Variants in MAMSTR observed in about 807,000 individuals in gnomAD.
MAMSTR encodes MEF2-activating motif and SAP domain-containing transcriptional regulator.
MAMSTR carries 41 observed loss-of-function variants against 42.7 expected under a neutral mutation model. The ratio of observed to expected loss-of-function variants is 0.96; its 90% confidence interval spans 0.75 to 1.25. The LOEUF is 1.25. MAMSTR is among the 50% of genes most tolerant of loss of function. MAMSTR has a pLI of 0.00. For missense variants in MAMSTR, 567 were observed against 557.6 expected (o/e 1.02, Z -0.17); for synonymous variants, 265 against 244.1 (o/e 1.09, Z -0.80).
chr19:48,716,882 G>A, intron 2 of MAMSTR, 139 bp from the exon 3 acceptor site: 3 of 1,224,794 alleles, frequency 2.4e-6, no homozygotes, highest in Non-Finnish European at 3.1e-6. Context: ...GCAGGCGGGT[G>A]GGCGGGCAGC....
At chr19:48,706,902 G>A in the MAMSTR span, among the ~76,000 whole-genome samples, 447 of 151,530 alleles carry the variant, frequency 2.9e-3, 2 homozygotes, top group Non-Finnish European at 5.1e-3. Context: ...TTCAAGACCA[G>A]CTTGGGCAAC....
downstream of MAMSTR, among the ~76,000 whole-genome samples, chr19:48,707,839 G>C (rs13344758): frequency 0.22 from 3,509 of 16,228 alleles, 92 homozygotes; most frequent in African/African-American, 0.36. Context: ...AGAAAGAAAG[G>C]AAAGAAAGAA....
intron 3 of MAMSTR, 149 bp downstream of exon 3, chr19:48,716,555 TG>T: frequency 1.1e-6 from 1 of 898,850 alleles, no homozygotes; most frequent in Non-Finnish European, 1.5e-6. Flanking sequence ...CCTGGATCCT[TG>T]GGAAAGGACA....
rs759870909 is a variant in MAMSTR at position 48,714,552 on chromosome 19, C to G, written c.537G>C (p.Glu179Asp). ...CCCGCAGGCGCAGCTGCTGCCGGAG[C>G]TCTGAGACCTGGGGAGGGGCGGGGC... is the stretch of plus-strand genomic sequence containing the variant. ...TLKLEELTVS[E>D]LRQQLRLRGL... The change falls in exon 7 of 10, where the codon GAG (glutamate) becomes GAC (aspartate). Residue 179 changes from glutamate to aspartate, a missense_variant. By Grantham distance (45) the Glu-to-Asp change is conservative. Coordinates refer to ENST00000318083, the MANE Select transcript of MAMSTR (RefSeq NM_001130915.2). 6.8e-7 allele frequency: 1 copy of G among 1,461,456 alleles called. No homozygotes were observed. 90.5% of individuals were successfully genotyped at this position (1,461,456 alleles called of 1,614,324 possible).
At chr19:48,717,970 G>A (rs1474629527) in intron 2 of MAMSTR, among the ~76,000 whole-genome samples, 2 of 152,166 alleles carry the variant, frequency 1.3e-5, no homozygotes, top group African/African-American at 2.4e-5. Context: ...CTCCCAAAGT[G>A]CTAGGACTAC....
At chr19:48,716,061 T>C (rs1437176027) in intron 3 of MAMSTR, 5 of 852,734 alleles carry the variant, frequency 5.9e-6, no homozygotes, top group Non-Finnish European at 7.8e-6. Flanking sequence ...CTCCTGGTTC[T>C]TGGGGAGAGG....
chr19:48,710,465 A>G (rs1347565421), downstream of MAMSTR, among the ~76,000 whole-genome samples: 1 of 137,526 alleles, frequency 7.3e-6, no homozygotes, highest in African/African-American at 2.9e-5. Context: ...TCTGTTGCCC[A>G]GGCTGGAGTG....
chr19:48,714,952 G>T, intron 5 of MAMSTR, 44 bp from the exon 6 acceptor site: 2 of 1,298,610 alleles, frequency 1.5e-6, no homozygotes, highest in Non-Finnish European at 2.2e-6. Flanking sequence ...GAGAGGTAGA[G>T]GGGGAAAAGG....
Position 48,713,629 on chromosome 19 carries a change from C to A in MAMSTR, c.965-79G>T, listed in dbSNP as rs996014289. Reference sequence around the variant, plus strand: ...GCCCCCCATACCCCATTTCCAGGATCCAGCTCCCCAGCTCACGCCTCCCTT... The same window carrying A: ...GCCCCCCATACCCCATTTCCAGGATACAGCTCCCCAGCTCACGCCTCCCTT... On this transcript the variant is annotated intron_variant, in intron 9 of 9. Coordinates refer to ENST00000318083, the MANE Select transcript of MAMSTR (RefSeq NM_001130915.2). 6.2e-6 allele frequency: 10 copies of A among 1,603,084 alleles called. No individual in the cohort carries two copies. In the East Asian group the frequency reaches 2.0e-4, roughly 32 times the overall value.
chr19:48,713,550 T>G lies in MAMSTR; in HGVS notation c.965A>C (p.Asp322Ala). The change falls in exon 10 of 10, where the codon GAC (aspartate) becomes GCC (alanine). Residue 322 changes from aspartate to alanine, a missense_variant and splice_region_variant. By Grantham distance (126) the Asp-to-Ala change is moderately radical (BLOSUM62 -2). Coordinates refer to ENST00000318083, the MANE Select transcript of MAMSTR (RefSeq NM_001130915.2). Reference sequence around the variant, plus strand: ...GTCCAGGGGAATAGGGGGCAGGGGGTCTGCGGGATAAAGAATGGTACATGA... The same window carrying G: ...GTCCAGGGGAATAGGGGGCAGGGGGGCTGCGGGATAAAGAATGGTACATGA... ...DILEDQVEPD[D>A]PLPPIPLDFP... 5 of 1,608,386 alleles carry G rather than the reference T, an allele frequency of 3.1e-6. No homozygotes were observed. The highest frequency in any genetic ancestry group is 4.2e-6 in the Non-Finnish European group (5 of 1,177,786).
At chr19:48,715,922 G>T in intron 3 of MAMSTR, 155 bp from the exon 4 acceptor site, 1 of 1,426,048 alleles carries the variant, frequency 7.0e-7, no homozygotes, top group Non-Finnish European at 9.1e-7. Flanking sequence ...CTGGATCTGA[G>T]GGCGGAGGTG....
At chr19:48,707,086 A>G in the MAMSTR span, among the ~76,000 whole-genome samples, 1 of 151,848 alleles carries the variant, frequency 6.6e-6, no homozygotes, top group African/African-American at 2.4e-5. Flanking sequence ...CAAAGTCGCA[A>G]CATAGCAAGA....
chr19:48,711,886 C>T (rs940524238), downstream of MAMSTR, among the ~76,000 whole-genome samples: 2 of 152,102 alleles, frequency 1.3e-5, no homozygotes, highest in East Asian at 1.9e-4. Flanking sequence ...GCTGGGACTA[C>T]AGGCACATGC....
downstream of MAMSTR, among the ~76,000 whole-genome samples, chr19:48,711,371 G>A (rs1176615830): frequency 6.6e-6 from 1 of 152,156 alleles, no homozygotes; most frequent in Non-Finnish European, 1.5e-5. Context: ...CCACCACGGT[G>A]CCACACACAT....
In MAMSTR at chr19:48,713,295, A is replaced by T. The variant is rs780968657; in HGVS notation, c.1220T>A (p.Leu407Gln). 9 of 1,603,538 alleles carry T rather than the reference A, an allele frequency of 5.6e-6. No individual in the cohort carries two copies. In the South Asian group the frequency reaches 1.0e-4, roughly 18 times the overall value. The change falls in exon 10 of 10, where the codon CTG becomes CAG. Residue 407 changes from leucine (L) to glutamine (Q), a missense_variant. Physicochemically the swap from Leu to Gln is moderately radical, Grantham distance 113 (BLOSUM62 -2). Transcript: ENST00000318083. ...ADLSDSSSSR[L>Q]WDLLEDPW ...CCATGGATCCTCCAGCAGGTCCCAC[A>T]GCCGGCTGCTGCTGGAGTCAGATAA...
intron 6 of MAMSTR, 38 bp downstream of exon 6, chr19:48,714,768 G>C (rs1568468337): frequency 6.7e-7 from 1 of 1,486,828 alleles, no homozygotes; most frequent in Non-Finnish European, 9.4e-7. Context: ...CCCCACCGAA[G>C]GAGAGAGAAG....
downstream of MAMSTR, among the ~76,000 whole-genome samples, chr19:48,711,894 T>C (rs1350527589): frequency 6.6e-6 from 1 of 151,808 alleles, no homozygotes; most frequent in South Asian, 2.1e-4. Context: ...TACAGGCACA[T>C]GCCACCATGC....
chr19:48,713,983 C>A lies in MAMSTR; in HGVS notation c.786G>T (p.Thr262=). ...PLPRAADTPG[T]APAPTPTPAP... Reference sequence around the variant, plus strand: ...CCGGAGTGGGAGTTGGAGCCGGAGCCGTCCCCGGGGTATCCGCGGCACGTG... The same window carrying A: ...CCGGAGTGGGAGTTGGAGCCGGAGCAGTCCCCGGGGTATCCGCGGCACGTG... The change falls in exon 8 of 10, where the codon ACG becomes ACT. Residue 262 remains threonine (T), a synonymous_variant. Transcript: ENST00000318083. 1.2e-6 allele frequency: 2 copies of A among 1,612,832 alleles called. No homozygotes were observed. The highest frequency in any genetic ancestry group is 1.7e-6 in the Non-Finnish European group (2 of 1,179,636).
At position 48,713,880 on chromosome 19, in the gene MAMSTR, C is replaced by T. The variant is rs940268132; in HGVS notation, c.889G>A (p.Glu297Lys). 1 of 1,612,148 alleles carries T rather than the reference C, an allele frequency of 6.2e-7. No individual in the cohort carries two copies. Among genetic ancestry groups the T allele is most frequent in the African/African-American group, 1.3e-5 (1 of 74,936 alleles). Residue 297 changes from glutamate (E) to lysine (K), a missense_variant, in exon 8 of 10, where the codon GAA becomes AAA. Glu to Lys is a moderately conservative substitution (Grantham distance 56, BLOSUM62 1). Coordinates refer to ENST00000318083, the MANE Select transcript of MAMSTR (RefSeq NM_001130915.2). ...AALTLEEELQ[E>K]AIRRAQLLPN... ...CTTACCTGCGCCCTCCGGATCGCTT[C>T]CTGCAGCTCCTCCTCCAGAGTCAGA...
Sources: gnomAD v4.1 joint callset for allele counts (sites outside exome capture counted in the v4.1 genomes callset) on GRCh38, gnomAD v4.1.1 for gene constraint, MANE v1.5 for transcripts, NCBI Gene and HGNC (gene_info 2026-07-23, HGNC 2026-07-21) for gene names.